Variants in AKAP6 observed in about 807,000 individuals in gnomAD.
AKAP6 encodes A-kinase anchor protein 6.
AKAP6 carries 58 observed loss-of-function variants against 188.5 expected under a neutral mutation model. The observed-to-expected ratio is 0.31, with a 90% confidence interval of 0.25 to 0.38. The LOEUF is 0.38. Among genes scored for constraint, AKAP6 ranks in the 10% least tolerant of loss-of-function variants. The pLI is 1.00. For missense variants in AKAP6, 2,710 were observed against 2,740.0 expected (o/e 0.99, Z 0.24); for synonymous variants, 989 against 998.6 (o/e 0.99, Z 0.18).
intron 1 of AKAP6, among the ~76,000 whole-genome samples, chr14:32,378,825 C>T (rs925689396): frequency 1.3e-5 from 2 of 151,954 alleles, no homozygotes; most frequent in African/African-American, 4.8e-5. Context: ...GTGAATTTTC[C>T]GGATAACTGA....
chr14:32,745,461 T>TTCTCTCTCTCTC (rs71115094), intron 11 of AKAP6, among the ~76,000 whole-genome samples: 1 of 141,346 alleles, frequency 7.1e-6, no homozygotes, highest in African/African-American at 2.6e-5. Context: ...TATTTATTCA[T>TTCTCTCTCTCTC]TCTCTCTCTC....
chr14:32,397,607 T>C (rs946966986), intron 1 of AKAP6, among the ~76,000 whole-genome samples: 1 of 152,144 alleles, frequency 6.6e-6, no homozygotes, highest in African/African-American at 2.4e-5. Context: ...TTGAATATCT[T>C]TATTCCCCAA....
In AKAP6 at chr14:32,824,812, A is replaced by G. The variant is rs752407558; in HGVS notation, c.*39A>G. On this transcript the variant is annotated 3_prime_UTR_variant, in exon 13 of 14. Coordinates refer to ENST00000280979, the MANE Select transcript of AKAP6 (RefSeq NM_004274.5). The stretch of plus-strand genomic sequence containing the variant: ...CCCAAGCATGAAAATCATCTCACTG[A>G]AAGGTACGTATAGTCCTCATGCCGT... 1 of 1,582,408 alleles carries G rather than the reference A, an allele frequency of 6.3e-7. No individual in the cohort carries two copies. Among genetic ancestry groups the G allele is most frequent in the South Asian group, 1.2e-5 (1 of 84,240 alleles).
chr14:32,357,770 T>C (rs563715934), intron 1 of AKAP6, among the ~76,000 whole-genome samples: 130 of 152,352 alleles, frequency 8.5e-4, no homozygotes, highest in Non-Finnish European at 1.6e-3. Flanking sequence ...ACTGCCATCT[T>C]CTGGAAAGTC....
At chr14:32,604,391 G>GA (rs1417964044) in intron 7 of AKAP6, among the ~76,000 whole-genome samples, 1 of 152,042 alleles carries the variant, frequency 6.6e-6, no homozygotes, top group Non-Finnish European at 1.5e-5. Flanking sequence ...ATTTTCTCTG[G>GA]AAAAATGAAC....
intron 7 of AKAP6, among the ~76,000 whole-genome samples, chr14:32,631,157 T>C (rs552948633): frequency 2.0e-5 from 3 of 152,162 alleles, no homozygotes; most frequent in African/African-American, 7.2e-5. Flanking sequence ...CATATTTATT[T>C]TACTAAAATT....
rs112363632 is a variant in AKAP6, at chr14:32,537,220, T to C, written c.576+1415T>C. On this transcript the variant is annotated intron_variant, in intron 3 of 13. Transcript: ENST00000280979. The stretch of plus-strand genomic sequence containing the variant: ...GAAGTCTATAGGAATCAAAATCGAC[T>C]AGGCTTACCTCTAACTTTAAGTCAC... 1.6e-3 allele frequency among the ~76,000 whole-genome samples: 241 copies of C among 152,360 alleles called. 1 individual carries two copies. The highest frequency in any genetic ancestry group is 2.2e-3 in the Non-Finnish European group (152 of 68,036).
intron 12 of AKAP6, among the ~76,000 whole-genome samples, chr14:32,786,296 A>ATGTTTTTTTTTTTTTGTT: frequency 2.3e-4 from 22 of 93,694 alleles, no homozygotes; most frequent in African/African-American, 3.7e-4. Flanking sequence ...CTAAACCTTT[A>ATGTTTTTTTTTTTTTGTT]TCTTTTTTTT....
chr14:32,511,078 T>G (rs1222281592), intron 2 of AKAP6, among the ~76,000 whole-genome samples: 1 of 152,200 alleles, frequency 6.6e-6, no homozygotes, highest in East Asian at 1.9e-4. Context: ...ACAGTGTAAG[T>G]GAATGGACAA....
intron 11 of AKAP6, among the ~76,000 whole-genome samples, chr14:32,750,723 A>C (rs2032091255): frequency 6.8e-6 from 1 of 147,382 alleles, no homozygotes; most frequent in Non-Finnish European, 1.5e-5. Context: ...GGACTGGGTC[A>C]CTAAATTAAT....
At chr14:32,637,382 G>C (rs1887541868) in intron 7 of AKAP6, among the ~76,000 whole-genome samples, 1 of 152,040 alleles carries the variant, frequency 6.6e-6, no homozygotes. Context: ...GCAGGTTCAG[G>C]AATAAAATTT....
chr14:32,584,749 T>A (rs1342248516), intron 5 of AKAP6, among the ~76,000 whole-genome samples: 1 of 152,196 alleles, frequency 6.6e-6, no homozygotes, highest in African/African-American at 2.4e-5. Flanking sequence ...CAATATGTAT[T>A]TTTTTCGGTC....
intron 2 of AKAP6, among the ~76,000 whole-genome samples, chr14:32,502,451 CT>C (rs1880652984): frequency 6.6e-6 from 1 of 152,052 alleles, no homozygotes; most frequent in Admixed American, 6.6e-5. Context: ...GTTTTTGTTG[CT>C]GTCTGTCTTA....
intron 1 of AKAP6, among the ~76,000 whole-genome samples, chr14:32,417,481 G>A (rs1889695913): frequency 6.6e-6 from 1 of 152,152 alleles, no homozygotes; most frequent in Admixed American, 6.5e-5. Context: ...ATTCAGTTGA[G>A]GAGTAAATAC....
chr14:32,660,929 C>G (rs1012176920), intron 7 of AKAP6, among the ~76,000 whole-genome samples: 5 of 93,114 alleles, frequency 5.4e-5, no homozygotes, highest in African/African-American at 1.0e-4. Flanking sequence ...CCGCCACCCC[C>G]CCCCCTCCCA....
chr14:32,703,510 G>A (rs1241798357), intron 9 of AKAP6, among the ~76,000 whole-genome samples: 1 of 152,140 alleles, frequency 6.6e-6, no homozygotes, highest in Non-Finnish European at 1.5e-5. Context: ...ACAATTTGAC[G>A]ACTTGGCAAT....
chr14:32,549,915 AG>A (rs1185037374), intron 4 of AKAP6, among the ~76,000 whole-genome samples: 2 of 152,224 alleles, frequency 1.3e-5, no homozygotes, highest in African/African-American at 4.8e-5. Flanking sequence ...GGCGGTGACC[AG>A]GGCAGAGGTG....
chr14:32,822,776 T>C lies in AKAP6; in HGVS notation c.4963T>C (p.Ser1655Pro). 1 of 1,613,940 alleles carries C rather than the reference T, an allele frequency of 6.2e-7. No homozygotes were observed. The highest frequency in any genetic ancestry group is 8.5e-7 in the Non-Finnish European group (1 of 1,179,916). ...PSEQKIKRSV[S>P]DITLQSSSQK... ...AGAGCAAAAGATAAAACGAAGTGTT[T>C]CTGATATCACTCTTCAAAGCAGTTC... is the stretch of plus-strand genomic sequence containing the variant. The change falls in exon 13 of 14, where the codon TCT becomes CCT. Residue 1655 changes from serine (S) to proline (P), a missense_variant. By Grantham distance (74) the Ser-to-Pro change is moderately conservative. Coordinates refer to ENST00000280979, the MANE Select transcript of AKAP6 (RefSeq NM_004274.5).
chr14:32,545,610 A>G lies in AKAP6; in HGVS notation c.957A>G (p.Pro319=). 5 of 1,614,190 alleles carry G rather than the reference A, an allele frequency of 3.1e-6. No individual in the cohort carries two copies. In the East Asian group the frequency reaches 1.1e-4, roughly 36 times the overall value. ...EDNASAVEEQ[P]GLTLGVSSSS... Reference sequence around the variant, plus strand: ...ATGCTTCTGCAGTCGAAGAGCAACCAGGCTTAACACTGGGGGTGTCATCAT... The same window carrying G: ...ATGCTTCTGCAGTCGAAGAGCAACCGGGCTTAACACTGGGGGTGTCATCAT... Residue 319 remains proline, a synonymous_variant, in exon 4 of 14, where the codon CCA becomes CCG. Transcript: ENST00000280979.
Sources: allele counts gnomAD v4.1 joint callset (sites outside exome capture counted in the v4.1 genomes callset), GRCh38; gene constraint gnomAD v4.1.1; transcripts MANE v1.5; gene names NCBI Gene and HGNC (gene_info 2026-07-23, HGNC 2026-07-21).